Variants in TRPM4 observed in about 807,000 individuals in gnomAD.
TRPM4 encodes the protein transient receptor potential cation channel subfamily M member 4, also known as calcium-activated non-selective cation channel 1.
In TRPM4, 124 loss-of-function variants were observed where a neutral mutation model predicts 135.6. The ratio of observed to expected loss-of-function variants is 0.91; its 90% CI spans 0.79 to 1.06. The LOEUF is 1.06. Ranked by LOEUF, TRPM4 falls within the 50% of genes least tolerant of loss-of-function variation. TRPM4 has a pLI of 0.00. For missense variants in TRPM4, 1,658 were observed against 1,671.4 expected (o/e 0.99, Z 0.14); for synonymous variants, 745 against 705.6 (o/e 1.06, Z -0.88).
In TRPM4 at chr19:49,171,414, T is replaced by C; in HGVS notation, c.854T>C (p.Leu285Ser). ...CTGATTGATGGTGATGAGAAGATGT[T>C]GACGGTATAGGGGCCCGGATGCCCG... is the stretch of plus-strand genomic sequence containing the variant. ...LLLIDGDEKMLTRIENATQAQ... is the reference protein window; with the variant it reads ...LLLIDGDEKMSTRIENATQAQ... Residue 285 changes from leucine (L) to serine (S), a missense_variant, in exon 7 of 25, where the codon TTG (leucine) becomes TCG (serine). Physicochemically the swap from Leu to Ser is moderately radical, Grantham distance 145. Transcript: ENST00000252826. The surrounding 1 kb of genome is among the most constrained non-coding windows in gnomAD (Gnocchi z 4.7). 1 of 1,613,996 alleles carries C rather than the reference T, an allele frequency of 6.2e-7. No individual in the cohort carries two copies. The highest frequency in any genetic ancestry group is 8.5e-7 in the Non-Finnish European group (1 of 1,179,984).
intron 12 of TRPM4, among the ~76,000 whole-genome samples, chr19:49,184,452 C>CTTTTTTTTTTTTT (rs67748057): frequency 2.2e-5 from 1 of 45,476 alleles, no homozygotes; most frequent in African/African-American, 1.1e-4. Context: ...TCTCTGTAGT[C>CTTTTTTTTTTTTT]TTTTTTTTTT....
At chr19:49,195,370 CTTTATTTT>C (rs1968590453) in intron 16 of TRPM4, among the ~76,000 whole-genome samples, 1 of 152,020 alleles carries the variant, frequency 6.6e-6, no homozygotes, top group South Asian at 2.1e-4. Context: ...TCTTCTTCTT[CTTTATTTT>C]TTTATTTTTT....
At chr19:49,193,881 C>A (rs1361767079) in intron 16 of TRPM4, among the ~76,000 whole-genome samples, 1 of 151,210 alleles carries the variant, frequency 6.6e-6, no homozygotes, top group Non-Finnish European at 1.5e-5. Flanking sequence ...TGTCCTCCTC[C>A]TTGTCATCCT....
chr19:49,207,523 A>G (rs1392657951), intron 20 of TRPM4, among the ~76,000 whole-genome samples: 1 of 149,230 alleles, frequency 6.7e-6, no homozygotes, highest in Non-Finnish European at 1.5e-5. Context: ...CCAGCTACTC[A>G]AGAGGCTGAG....
At chr19:49,175,623 A>G (rs773601195) in intron 9 of TRPM4, among the ~76,000 whole-genome samples, 86 of 150,822 alleles carry the variant, frequency 5.7e-4, no homozygotes, top group Admixed American at 3.3e-3. Flanking sequence ...TGTGGTATAT[A>G]TTTTAATTAT....
At chr19:49,175,066 G>GCTTTTTTTTTTTTT (rs1967626758) in intron 9 of TRPM4, among the ~76,000 whole-genome samples, 1 of 108,800 alleles carries the variant, frequency 9.2e-6, no homozygotes, top group African/African-American at 5.1e-5. Flanking sequence ...ATCATGCCTG[G>GCTTTTTTTTTTTTT]CTTTTTTTTT....
At chr19:49,201,897 G>C in intron 19 of TRPM4, 67 bp from the exon 20 acceptor site, 2 of 1,570,104 alleles carry the variant, frequency 1.3e-6, no homozygotes, top group South Asian at 1.1e-5. Context: ...CACCGCGCCC[G>C]GCAGTCTTCC....
rs181780585 is a variant in TRPM4, at chr19:49,176,272, G to C, written c.1150+4164G>C. ...TGAGACAGTCTCACTCTGTTGTCCAGGCTGGAGTGCAGTGGGACAATCATA... is the reference window on the plus strand; with the variant it reads ...TGAGACAGTCTCACTCTGTTGTCCACGCTGGAGTGCAGTGGGACAATCATA... On this transcript the variant is annotated intron_variant, in intron 9 of 24. Coordinates refer to ENST00000252826, the MANE Select transcript of TRPM4 (RefSeq NM_017636.4). 5.8e-3 allele frequency among the ~76,000 whole-genome samples: 884 copies of C among 152,230 alleles called. 3 individuals are homozygous for C. The highest frequency in any genetic ancestry group is 8.1e-3 in the Non-Finnish European group (552 of 68,016).
chr19:49,200,522 T>C, intron 18 of TRPM4, 89 bp from the exon 19 acceptor site: 1 of 1,594,712 alleles, frequency 6.3e-7, no homozygotes, highest in Non-Finnish European at 8.5e-7. Context: ...GGGCGTGACT[T>C]TGGGGAGCAA....
At chr19:49,160,593 G>T (rs1966925330) in intron 2 of TRPM4, among the ~76,000 whole-genome samples, 1 of 152,162 alleles carries the variant, frequency 6.6e-6, no homozygotes, top group African/African-American at 2.4e-5. Context: ...CAAAGTTCAG[G>T]GTGCAGGGAG....
In TRPM4 at chr19:49,158,618, T is replaced by C. The variant is rs76467034; in HGVS notation, c.92+359T>C. The C allele has an allele frequency of 1.1e-4, 21 of 187,824 alleles. No individual in the cohort carries two copies. In the East Asian group the frequency reaches 1.7e-3, roughly 15 times the overall value. 11.6% of individuals were successfully genotyped at this position (187,824 alleles called of 1,614,324 possible). ...TTCATTCATTCATTCATTCATTCAT[T>C]CATCCATCCATGCAAGAAACCCTCA... On this transcript the variant is annotated intron_variant, in intron 2 of 24. Coordinates refer to ENST00000252826, the MANE Select transcript of TRPM4 (RefSeq NM_017636.4).
Position 49,211,751 on chromosome 19 carries a change from G to T in TRPM4, c.*253G>T. The T allele has an allele frequency of 5.0e-6, 3 of 594,176 alleles. No individual in the cohort carries two copies. Among genetic ancestry groups the T allele is most frequent in the Non-Finnish European group, 9.0e-6 (3 of 333,628 alleles). 36.8% of individuals were successfully genotyped at this position (594,176 alleles called of 1,614,324 possible). ...CCGGGCCGTTATCCATCTGGAGGCT[G>T]CAGGGTCCTTGGGGTAACAGGGACC... On this transcript the variant is annotated 3_prime_UTR_variant, in exon 25 of 25. Coordinates refer to ENST00000252826, the MANE Select transcript of TRPM4 (RefSeq NM_017636.4). This position sits in a 1 kb window ranked among gnomAD's most constrained non-coding sequence, Gnocchi z 4.8.
At chr19:49,197,959 G>C (rs1002490969) in intron 17 of TRPM4, among the ~76,000 whole-genome samples, 4 of 152,080 alleles carry the variant, frequency 2.6e-5, no homozygotes, top group African/African-American at 9.6e-5. Flanking sequence ...AAAGTGCTGA[G>C]ATTACAGATG....
rs1168117948 is a variant in TRPM4 at position 49,210,041 on chromosome 19, C to G, written c.3132-168C>G. Among the ~76,000 whole-genome samples, 1 of 152,136 alleles carries G rather than the reference C, an allele frequency of 6.6e-6. No homozygotes were observed. The highest frequency in any genetic ancestry group is 2.4e-5 in the African/African-American group (1 of 41,430). ...TGGGACTACAGGCGTGACCAAACGC[C>G]CTTGGCTCTAACCTGACTTCTAATC... On this transcript the variant is annotated intron_variant, in intron 20 of 24. Coordinates refer to ENST00000252826, the MANE Select transcript of TRPM4 (RefSeq NM_017636.4). The surrounding 1 kb of genome is among the most constrained non-coding windows in gnomAD (Gnocchi z 4.1).
At chr19:49,179,836 C>T (rs1222252875) in intron 9 of TRPM4, among the ~76,000 whole-genome samples, 1 of 152,176 alleles carries the variant, frequency 6.6e-6, no homozygotes, top group Non-Finnish European at 1.5e-5. Context: ...TCTGTTTCCT[C>T]AAGCACAGCC....
At position 49,210,989 on chromosome 19, in the gene TRPM4, C is replaced by T; in HGVS notation, c.3462-26C>T. On this transcript the variant is annotated intron_variant, in intron 22 of 24. Coordinates refer to ENST00000252826, the MANE Select transcript of TRPM4 (RefSeq NM_017636.4). The surrounding 1 kb of genome is among the most constrained non-coding windows in gnomAD (Gnocchi z 4.1). The stretch of plus-strand genomic sequence containing the variant: ...TGGGGGTGGGTGGGCTGCGGGTGCC[C>T]CCGGTAAGAGGCCCTCCCTTCTCAG... The T allele has an allele frequency of 6.2e-7, 1 of 1,612,466 alleles. No individual in the cohort carries two copies.
At position 49,188,683 on chromosome 19, in the gene TRPM4, C is replaced by T; in HGVS notation, c.1786C>T (p.Leu596Phe). ...CTCAGCTCTTGGGGCCTGTTTGCTG[C>T]TCCGGGTGATGGCACGCCTGGAGCC... is the stretch of plus-strand genomic sequence containing the variant. ...VSSALGACLL[L>F]RVMARLEPDA... is the part of the protein sequence containing the mutation. Residue 596 changes from leucine (L) to phenylalanine (F), a missense_variant, in exon 13 of 25, where the codon CTC (leucine) becomes TTC (phenylalanine). Physicochemically the swap from Leu to Phe is conservative, Grantham distance 22 (BLOSUM62 0). This residue lies in a region of TRPM4 where 1,412 missense variants were observed against 1,408.7 expected (regional missense o/e 1.00). Transcript: ENST00000252826. 1 of 1,614,202 alleles carries T rather than the reference C, an allele frequency of 6.2e-7. No individual in the cohort carries two copies. The highest frequency in any genetic ancestry group is 8.5e-7 in the Non-Finnish European group (1 of 1,180,048).
chr19:49,197,005 C>T lies in TRPM4; in HGVS notation c.2645+131C>T, dbSNP rs1043443854. The T allele has an allele frequency of 4.5e-6, 4 of 883,416 alleles. No individual in the cohort carries two copies. The South Asian group carries it at 7.0e-5, about 16-fold the overall frequency. 54.7% of individuals were successfully genotyped at this position (883,416 alleles called of 1,614,324 possible). A position where few individuals can be genotyped will look rare whatever the true frequency, so the allele number is the denominator to read the frequency against. Reference sequence around the variant, plus strand: ...CAAGCCAACCCTGCTGATTGAGAACCCCTCTTAGGAAAGTCGGGCATGACG... The same window carrying T: ...CAAGCCAACCCTGCTGATTGAGAACTCCTCTTAGGAAAGTCGGGCATGACG... On this transcript the variant is annotated intron_variant, in intron 17 of 24. Transcript: ENST00000252826.
chr19:49,198,646 CAA>C (rs35173042), intron 17 of TRPM4, among the ~76,000 whole-genome samples: 4,568 of 72,614 alleles, frequency 0.063, 82 homozygotes, highest in East Asian at 0.24. Flanking sequence ...AAAACTCTGT[CAA>C]AAAAAAAAAA....
Sources: allele counts gnomAD v4.1 joint callset (sites outside exome capture counted in the v4.1 genomes callset), GRCh38; gene constraint gnomAD v4.1.1; regional missense constraint gnomAD v4.1.1; non-coding constraint Gnocchi (gnomAD v3.1); transcripts MANE v1.5; gene names NCBI Gene and HGNC (gene_info 2026-07-23, HGNC 2026-07-21).